Variants in ARHGAP26 observed in about 807,000 individuals in gnomAD.
ARHGAP26 encodes Rho GTPase activating protein 26.
ARHGAP26 carries 38 observed loss-of-function variants against 104.8 expected under a neutral mutation model. The observed-to-expected ratio is 0.36, with a 90% CI of 0.28 to 0.48. The LOEUF (loss-of-function observed/expected upper bound fraction) is 0.48. Among genes scored for constraint, ARHGAP26 ranks in the 20% least tolerant of loss-of-function variants. ARHGAP26 has a pLI of 0.99. For missense variants in ARHGAP26, 704 were observed against 947.9 expected (o/e 0.74, Z 3.38); for synonymous variants, 341 against 340.0 (o/e 1.00, Z -0.03).
At chr5:142,796,059 T>TGC (rs1361873530) in intron 1 of ARHGAP26, among the ~76,000 whole-genome samples, 3 of 115,894 alleles carry the variant, frequency 2.6e-5, no homozygotes, top group African/African-American at 3.6e-5. Flanking sequence ...TTTTTCTGTG[T>TGC]GTGTGTGTGT....
chr5:142,876,939 G>C (rs1168399861), intron 3 of ARHGAP26, among the ~76,000 whole-genome samples: 1 of 152,050 alleles, frequency 6.6e-6, no homozygotes, highest in African/African-American at 2.4e-5. Flanking sequence ...GGGGGTTGGT[G>C]GTGGGTGGAA....
chr5:142,832,717 T>G (rs1162118703), intron 1 of ARHGAP26, among the ~76,000 whole-genome samples: 1 of 152,200 alleles, frequency 6.6e-6, no homozygotes, highest in Non-Finnish European at 1.5e-5. Context: ...AGACACTGTG[T>G]TGGGCATTGA....
At chr5:142,907,613 A>G (rs1040760954) in intron 8 of ARHGAP26, 91 bp from the exon 9 acceptor site, 37 of 708,992 alleles carry the variant, frequency 5.2e-5, no homozygotes, top group African/African-American at 4.1e-4. Context: ...GTAGATGAGC[A>G]TTATGAATTA....
intron 1 of ARHGAP26, among the ~76,000 whole-genome samples, chr5:142,827,889 C>T (rs913891598): frequency 6.6e-6 from 1 of 152,238 alleles, no homozygotes; most frequent in Admixed American, 6.5e-5. Context: ...ATTCTCCTGG[C>T]ATCCGGGAAG....
At chr5:142,796,750 C>T (rs1444212227) in intron 1 of ARHGAP26, among the ~76,000 whole-genome samples, 2 of 152,256 alleles carry the variant, frequency 1.3e-5, no homozygotes, top group Non-Finnish European at 2.9e-5. Flanking sequence ...AGTCCTGAAT[C>T]TGTTTTGATT....
intron 4 of ARHGAP26, among the ~76,000 whole-genome samples, chr5:142,880,017 A>G (rs187552): frequency 0.16 from 24,566 of 152,228 alleles, 2,406 homozygotes; most frequent in South Asian, 0.34. Context: ...TTGTTGGCAA[A>G]TAATTTTAAA....
At chr5:143,212,884 G>T (rs1275758840) in intron 21 of ARHGAP26, among the ~76,000 whole-genome samples, 2 of 152,170 alleles carry the variant, frequency 1.3e-5, no homozygotes, top group African/African-American at 4.8e-5. Flanking sequence ...GGTGGCTCAC[G>T]CCTGTAATCC....
chr5:142,943,212 G>T (rs2152563776), intron 11 of ARHGAP26, among the ~76,000 whole-genome samples: 1 of 152,300 alleles, frequency 6.6e-6, no homozygotes, highest in East Asian at 1.9e-4. Flanking sequence ...TAAACCTAGG[G>T]AATATTAAAG....
intron 17 of ARHGAP26, among the ~76,000 whole-genome samples, chr5:143,100,858 A>G (rs188679679): frequency 4.6e-5 from 7 of 152,338 alleles, no homozygotes; most frequent in East Asian, 3.9e-4. Context: ...TGGGAGGCCA[A>G]TGCGGGAGGA....
chr5:143,110,869 GC>G (rs1228142636), intron 17 of ARHGAP26, among the ~76,000 whole-genome samples: 1 of 152,234 alleles, frequency 6.6e-6, no homozygotes, highest in Admixed American at 6.5e-5. Context: ...ACTAGCTGAA[GC>G]CTAAACTGTC....
chr5:143,013,616 C>T (rs993183051), intron 11 of ARHGAP26, among the ~76,000 whole-genome samples: 1 of 152,178 alleles, frequency 6.6e-6, no homozygotes, highest in Non-Finnish European at 1.5e-5. Context: ...AGCTGTGAGA[C>T]ATTAGTTAAC....
chr5:143,055,605 T>C (rs979887559), intron 15 of ARHGAP26, among the ~76,000 whole-genome samples: 3 of 152,206 alleles, frequency 2.0e-5, no homozygotes, highest in Admixed American at 6.5e-5. Context: ...CCACAACACC[T>C]ACAAAAATCT....
At chr5:143,125,702 C>CT (rs1796646815) in intron 18 of ARHGAP26, among the ~76,000 whole-genome samples, 3 of 152,130 alleles carry the variant, frequency 2.0e-5, no homozygotes, top group Non-Finnish European at 4.4e-5. Context: ...ATTAATGAAT[C>CT]CTTTAAATGA....
At chr5:143,161,842 T>A (rs1801275764) in intron 20 of ARHGAP26, among the ~76,000 whole-genome samples, 1 of 152,228 alleles carries the variant, frequency 6.6e-6, no homozygotes, top group African/African-American at 2.4e-5. Flanking sequence ...ATAGAAATCA[T>A]TCTGGGTTTC....
At chr5:143,065,231 C>A (rs180770455) in intron 17 of ARHGAP26, among the ~76,000 whole-genome samples, 1 of 152,136 alleles carries the variant, frequency 6.6e-6, no homozygotes, top group Admixed American at 6.6e-5. Context: ...GCCTTGGGAG[C>A]GTGTTCTTCA....
At chr5:142,952,787 G>A (rs1216090801) in intron 11 of ARHGAP26, among the ~76,000 whole-genome samples, 1 of 152,094 alleles carries the variant, frequency 6.6e-6, no homozygotes, top group African/African-American at 2.4e-5. Flanking sequence ...TCGGCTCACT[G>A]CAACCTCCGC....
At chr5:142,973,053 G>T (rs897423406) in intron 11 of ARHGAP26, among the ~76,000 whole-genome samples, 60 of 151,960 alleles carry the variant, frequency 3.9e-4, no homozygotes, top group Admixed American at 9.8e-4. Flanking sequence ...ATTGATTTGG[G>T]GTTGTTTTAG....
At chr5:142,811,199 T>G (rs1352840218) in intron 1 of ARHGAP26, among the ~76,000 whole-genome samples, 2 of 152,192 alleles carry the variant, frequency 1.3e-5, no homozygotes, top group African/African-American at 4.8e-5. Context: ...CTTTGCTTAT[T>G]AGCACAATGC....
At chr5:142,777,605 A>G (rs1483078058) in intron 1 of ARHGAP26, among the ~76,000 whole-genome samples, 2 of 152,208 alleles carry the variant, frequency 1.3e-5, no homozygotes, top group East Asian at 1.9e-4. Context: ...TTCAAATTAT[A>G]TATTTTTTGC....
Sources: allele counts gnomAD v4.1 joint callset (sites outside exome capture counted in the v4.1 genomes callset), GRCh38; gene constraint gnomAD v4.1.1; transcripts MANE v1.5; gene names NCBI Gene and HGNC (gene_info 2026-07-23, HGNC 2026-07-21).